Variants in TNNI3K observed in about 807,000 individuals in gnomAD.
The protein encoded by TNNI3K is serine/threonine-protein kinase TNNI3K.
TNNI3K carries 140 observed loss-of-function variants against 114.5 expected under a neutral mutation model. The ratio of observed to expected loss-of-function variants is 1.22; its 90% confidence interval spans 1.07 to 1.41. TNNI3K has a LOEUF of 1.41. Among genes scored for constraint, TNNI3K ranks in the 40% most tolerant of loss-of-function variants. The pLI is 0.00. For missense variants in TNNI3K, 1,125 were observed against 1,007.6 expected (o/e 1.12, Z -1.58); for synonymous variants, 347 against 347.5 (o/e 1.00, Z 0.02).
intron 23 of TNNI3K, among the ~76,000 whole-genome samples, chr1:74,531,792 T>C (rs1208557251): frequency 3.9e-5 from 6 of 152,230 alleles, no homozygotes; most frequent in African/African-American, 1.4e-4. Flanking sequence ...GATATTCCTC[T>C]TGAAGAAGGG....
intron 4 of TNNI3K, among the ~76,000 whole-genome samples, chr1:74,267,624 T>C (rs1268398363): frequency 6.6e-6 from 1 of 152,004 alleles, no homozygotes; most frequent in Admixed American, 6.6e-5. Context: ...AGTTGGCTCA[T>C]AGTAAGCAAT....
chr1:74,520,755 G>A (rs545485247), intron 23 of TNNI3K, among the ~76,000 whole-genome samples: 6 of 152,174 alleles, frequency 3.9e-5, no homozygotes, highest in South Asian at 4.2e-4. Context: ...TCTATGTGGC[G>A]GTGATAAAGA....
chr1:74,530,476 C>T (rs941874259), intron 23 of TNNI3K, among the ~76,000 whole-genome samples: 2 of 152,052 alleles, frequency 1.3e-5, no homozygotes, highest in African/African-American at 4.8e-5. Flanking sequence ...GTCCCTGGCG[C>T]TTAGCAGGTA....
At chr1:74,408,517 G>A (rs138504852) in intron 17 of TNNI3K, among the ~76,000 whole-genome samples, 54 of 152,194 alleles carry the variant, frequency 3.5e-4, no homozygotes, top group African/African-American at 1.1e-3. Flanking sequence ...TCTCTTTCTT[G>A]TTTTTGTCAG....
At chr1:74,299,067 T>C (rs1390312560) in intron 5 of TNNI3K, among the ~76,000 whole-genome samples, 2 of 152,120 alleles carry the variant, frequency 1.3e-5, no homozygotes, top group Admixed American at 6.5e-5. Context: ...TCCTGAATTA[T>C]ATTAGAGGTG....
At chr1:74,439,643 A>T (rs1346062814) in intron 20 of TNNI3K, 21 bp downstream of exon 20, 1 of 1,610,608 alleles carries the variant, frequency 6.2e-7, no homozygotes, top group Admixed American at 1.7e-5. Flanking sequence ...CTGCAATTGA[A>T]GTTTTCCTGT....
At chr1:74,405,019 A>G (rs1017097407) in intron 17 of TNNI3K, among the ~76,000 whole-genome samples, 1 of 152,186 alleles carries the variant, frequency 6.6e-6, no homozygotes, top group African/African-American at 2.4e-5. Flanking sequence ...AAAAAGAAAG[A>G]CCATTGAGTG....
intron 24 of TNNI3K, among the ~76,000 whole-genome samples, chr1:74,543,310 G>A (rs956541404): frequency 6.6e-6 from 1 of 151,942 alleles, no homozygotes; most frequent in East Asian, 1.9e-4. Flanking sequence ...CCGACCTCAT[G>A]ATTCGCTCTC....
At chr1:74,450,312 C>T (rs1666928783) in intron 20 of TNNI3K, among the ~76,000 whole-genome samples, 2 of 151,318 alleles carry the variant, frequency 1.3e-5, no homozygotes, top group African/African-American at 2.4e-5. Flanking sequence ...AGGAAAGATC[C>T]AAAATTGACA....
At chr1:74,444,095 G>A (rs28768679) in intron 20 of TNNI3K, among the ~76,000 whole-genome samples, 1,699 of 152,218 alleles carry the variant, frequency 0.011, 30 homozygotes, top group East Asian at 0.056. Context: ...CTTGAAAACT[G>A]GCACAAGACA....
At chr1:74,251,842 T>C (rs952338121) in intron 4 of TNNI3K, among the ~76,000 whole-genome samples, 1 of 152,212 alleles carries the variant, frequency 6.6e-6, no homozygotes, top group Non-Finnish European at 1.5e-5. Context: ...AAGTTTCATC[T>C]CTTTTCATGC....
intron 17 of TNNI3K, among the ~76,000 whole-genome samples, chr1:74,425,492 G>C (rs1266701320): frequency 6.6e-6 from 1 of 152,030 alleles, no homozygotes; most frequent in Non-Finnish European, 1.5e-5. Flanking sequence ...CAATTCTAGG[G>C]AAAGTTACTG....
chr1:74,304,507 A>G (rs1658506793), intron 5 of TNNI3K, among the ~76,000 whole-genome samples: 1 of 152,170 alleles, frequency 6.6e-6, no homozygotes, highest in Non-Finnish European at 1.5e-5. Flanking sequence ...CAGTGGCACA[A>G]TCATGGCTCA....
chr1:74,378,495 T>A (rs945610334), intron 17 of TNNI3K, among the ~76,000 whole-genome samples: 1 of 150,244 alleles, frequency 6.7e-6, no homozygotes, highest in Admixed American at 6.7e-5. Context: ...CAAATTCAAG[T>A]GAGCACTAAT....
intron 21 of TNNI3K, among the ~76,000 whole-genome samples, chr1:74,488,122 T>A (rs1462606121): frequency 6.6e-6 from 1 of 152,136 alleles, no homozygotes; most frequent in Non-Finnish European, 1.5e-5. Context: ...TAAGCCAGTT[T>A]TTAAAATCCC....
chr1:74,450,168 C>T (rs1298095339), intron 20 of TNNI3K, among the ~76,000 whole-genome samples: 3 of 148,842 alleles, frequency 2.0e-5, no homozygotes, highest in East Asian at 2.0e-4. Context: ...GGGTACATAA[C>T]GAAATGAAGG....
chr1:74,241,423 A>G (rs1409182679), intron 2 of TNNI3K, among the ~76,000 whole-genome samples: 1 of 152,152 alleles, frequency 6.6e-6, no homozygotes, highest in Non-Finnish European at 1.5e-5. Flanking sequence ...CTATTTCTTC[A>G]CATCCTCTCC....
intron 9 of TNNI3K, among the ~76,000 whole-genome samples, 158 bp from the exon 10 acceptor site, chr1:74,353,108 G>A (rs990934521): frequency 2.6e-5 from 4 of 152,056 alleles, no homozygotes; most frequent in Non-Finnish European, 5.9e-5. Flanking sequence ...CCCCTCTTAA[G>A]TACCTCTTTA....
intron 21 of TNNI3K, among the ~76,000 whole-genome samples, chr1:74,466,388 A>AT (rs1396914907): frequency 3.3e-5 from 5 of 152,178 alleles, no homozygotes; most frequent in East Asian, 1.9e-4. Context: ...TTCTAAAAGC[A>AT]TTTTTTGGGT....
Sources: allele counts gnomAD v4.1 joint callset (sites outside exome capture counted in the v4.1 genomes callset), GRCh38; gene constraint gnomAD v4.1.1; transcripts MANE v1.5; gene names NCBI Gene and HGNC (gene_info 2026-07-23, HGNC 2026-07-21).